Variants in SLC36A1 observed in about 807,000 individuals in gnomAD.
SLC36A1 encodes the protein solute carrier family 36 member 1.
In SLC36A1, 30 loss-of-function variants were observed where a neutral mutation model predicts 47.5. The observed-to-expected ratio is 0.63, with a 90% confidence interval of 0.47 to 0.86. The LOEUF (loss-of-function observed/expected upper bound fraction) is 0.86, where lower values mean the gene tolerates loss of function less well. Among genes scored for constraint, SLC36A1 ranks in the 40% least tolerant of loss-of-function variants. The probability of loss-of-function intolerance (pLI) is 0.00; values close to 1 mark genes in which losing one functional copy is unlikely to be tolerated. For synonymous variants in SLC36A1, 255 were observed against 249.7 expected (o/e 1.02, Z -0.20); for missense variants, 517 against 606.0 (o/e 0.85, Z 1.54).
chr5:151,454,003 G>A (rs1754055072), intron 1 of SLC36A1, among the ~76,000 whole-genome samples: 1 of 150,246 alleles, frequency 6.7e-6, no homozygotes, highest in Non-Finnish European at 1.5e-5. Flanking sequence ...AGATTGAAGA[G>A]CAACACTTGT....
At chr5:151,356,978 T>C in the SLC36A1 span, among the ~76,000 whole-genome samples, 1 of 152,150 alleles carries the variant, frequency 6.6e-6, no homozygotes, top group Non-Finnish European at 1.5e-5. Context: ...CTCCCATAGG[T>C]AGAGGACTAT....
At chr5:151,350,225 G>A in the SLC36A1 span, among the ~76,000 whole-genome samples, 1 of 151,470 alleles carries the variant, frequency 6.6e-6, no homozygotes, top group Non-Finnish European at 1.5e-5. Context: ...TGATAATAGC[G>A]ACTCACATGT....
chr5:151,353,244 A>T, the SLC36A1 span, among the ~76,000 whole-genome samples: 2 of 152,228 alleles, frequency 1.3e-5, no homozygotes, highest in African/African-American at 4.8e-5. Flanking sequence ...GAGGCATAAC[A>T]GTCCCTTCAT....
the SLC36A1 span, chr5:151,505,990 G>A: frequency 1.5e-4 from 230 of 1,572,740 alleles, no homozygotes; most frequent in Admixed American, 6.8e-4. Flanking sequence ...GTTGAGTGGC[G>A]GTGAGCCGAG....
At chr5:151,515,167 C>G in the SLC36A1 span, among the ~76,000 whole-genome samples, 1 of 152,160 alleles carries the variant, frequency 6.6e-6, no homozygotes, top group Non-Finnish European at 1.5e-5. Context: ...GCAGATCACC[C>G]AACAGATCAC....
At chr5:151,467,494 T>C (rs1756613377) in intron 6 of SLC36A1, among the ~76,000 whole-genome samples, 1 of 152,108 alleles carries the variant, frequency 6.6e-6, no homozygotes, top group Admixed American at 6.5e-5. Context: ...TTGTCGACCC[T>C]CCTGTCCTAG....
the SLC36A1 span, chr5:151,554,635 G>A: frequency 1.9e-6 from 3 of 1,613,954 alleles, no homozygotes; most frequent in Non-Finnish European, 2.5e-6. Flanking sequence ...CCCTGGAGGT[G>A]GACTTCAGTG....
At chr5:151,445,387 T>A (rs1752859136), upstream of SLC36A1, among the ~76,000 whole-genome samples, 1 of 152,256 alleles carries the variant, frequency 6.6e-6, no homozygotes, top group South Asian at 2.1e-4. Flanking sequence ...TTTGCAAATA[T>A]TTTATTGAGG....
the SLC36A1 span, among the ~76,000 whole-genome samples, chr5:151,498,089 C>T: frequency 1.3e-5 from 2 of 151,962 alleles, no homozygotes; most frequent in African/African-American, 4.8e-5. Flanking sequence ...GGATTACAGG[C>T]GCCTGCCACC....
chr5:151,525,985 A>G, the SLC36A1 span: 12 of 1,612,052 alleles, frequency 7.4e-6, no homozygotes, highest in Admixed American at 1.8e-4. Flanking sequence ...AGAGTGACAA[A>G]GAAGGCAAAG....
At chr5:151,529,554 C>T in the SLC36A1 span, among the ~76,000 whole-genome samples, 4,168 of 151,036 alleles carry the variant, frequency 0.028, 189 homozygotes, top group African/African-American at 0.094. Flanking sequence ...ATCCCCTTGA[C>T]CCCCTTCCCC....
the SLC36A1 span, among the ~76,000 whole-genome samples, chr5:151,523,177 G>A: frequency 6.6e-6 from 1 of 152,090 alleles, no homozygotes; most frequent in East Asian, 1.9e-4. Context: ...TGGAAGTCAT[G>A]CATAACACCG....
the SLC36A1 span, among the ~76,000 whole-genome samples, chr5:151,519,119 A>G: frequency 6.6e-6 from 1 of 152,224 alleles, no homozygotes; most frequent in Admixed American, 6.5e-5. Flanking sequence ...CAAGACAGGC[A>G]GATCACCTGA....
the SLC36A1 span, among the ~76,000 whole-genome samples, chr5:151,410,799 A>G: frequency 1.4e-5 from 2 of 144,796 alleles, no homozygotes; most frequent in Admixed American, 6.8e-5. Flanking sequence ...AACTGTATCA[A>G]GAGTTTCTCA....
chr5:151,442,311 G>T (rs1752674648), intron 1 of SLC36A1, among the ~76,000 whole-genome samples: 1 of 152,052 alleles, frequency 6.6e-6, no homozygotes, highest in South Asian at 2.1e-4. Flanking sequence ...TTTGTGGCAA[G>T]AGCAGCTAAA....
the SLC36A1 span, among the ~76,000 whole-genome samples, chr5:151,420,855 C>CCTTT: frequency 6.6e-6 from 1 of 150,432 alleles, no homozygotes; most frequent in Non-Finnish European, 1.5e-5. Flanking sequence ...TGTAGTTTTT[C>CCTTT]CTTTCTTTCT....
chr5:151,468,612 T>C (rs1359270742), intron 7 of SLC36A1, among the ~76,000 whole-genome samples: 1 of 151,476 alleles, frequency 6.6e-6, no homozygotes, highest in Non-Finnish European at 1.5e-5. Context: ...CTCTGGTCTC[T>C]ACTCATTAGG....
the SLC36A1 span, chr5:151,551,638 A>T: frequency 6.2e-7 from 1 of 1,612,498 alleles, no homozygotes; most frequent in African/African-American, 1.3e-5. Context: ...AGCACACACA[A>T]CCTCAGTGAT....
the SLC36A1 span, among the ~76,000 whole-genome samples, chr5:151,359,117 C>T: frequency 2.0e-5 from 3 of 151,010 alleles, no homozygotes; most frequent in Admixed American, 6.6e-5. Context: ...TGGTGAATTA[C>T]TGAATCCTAA....
Sources: allele counts gnomAD v4.1 joint callset (sites outside exome capture counted in the v4.1 genomes callset), GRCh38; gene constraint gnomAD v4.1.1; transcripts MANE v1.5; gene names NCBI Gene and HGNC (gene_info 2026-07-23, HGNC 2026-07-21).